The following GPHN variants were observed in gnomAD, a reference collection of about 807,000 sequenced individuals.
GPHN encodes gephyrin.
GPHN carries 17 observed loss-of-function variants against 95.5 expected under a neutral mutation model. That is an observed-to-expected ratio of 0.18 (90% CI 0.12 to 0.27). GPHN has a LOEUF of 0.27. Among genes scored for constraint, GPHN ranks in the 10% least tolerant of loss-of-function variants. GPHN has a pLI of 1.00. For missense variants in GPHN, 660 were observed against 978.1 expected (o/e 0.67, Z 4.34); for synonymous variants, 320 against 322.5 (o/e 0.99, Z 0.08).
chr14:67,719,483 CT>C, the GPHN span, among the ~76,000 whole-genome samples: 1 of 151,668 alleles, frequency 6.6e-6, no homozygotes, highest in Admixed American at 6.6e-5. Flanking sequence ...TTTTTCTTTT[CT>C]TTTTTTTAGA....
At chr14:67,377,830 A>G in the GPHN span, among the ~76,000 whole-genome samples, 4 of 152,042 alleles carry the variant, frequency 2.6e-5, no homozygotes, top group African/African-American at 7.2e-5. Flanking sequence ...ACACTTGGCT[A>G]TGTGTGGTAG....
chr14:66,784,446 G>A (rs1281660062), intron 3 of GPHN, among the ~76,000 whole-genome samples: 1 of 152,028 alleles, frequency 6.6e-6, no homozygotes, highest in African/African-American at 2.4e-5. Context: ...AATAGAAAAA[G>A]GCCTGAAATT....
intron 1 of GPHN, among the ~76,000 whole-genome samples, chr14:66,602,412 C>CAT (rs1384724603): frequency 2.6e-5 from 4 of 151,862 alleles, no homozygotes; most frequent in African/African-American, 9.7e-5. Flanking sequence ...AATTTCCCAG[C>CAT]ATAACTTTCT....
intron 1 of GPHN, among the ~76,000 whole-genome samples, chr14:66,661,000 C>G (rs780608601): frequency 1.1e-4 from 16 of 152,158 alleles, no homozygotes; most frequent in Non-Finnish European, 2.4e-4. Flanking sequence ...TGTATAGTCT[C>G]AACAGAAAAG....
intron 3 of GPHN, among the ~76,000 whole-genome samples, chr14:66,804,247 A>G (rs534302595): frequency 6.6e-6 from 1 of 152,184 alleles, no homozygotes. Context: ...TCCCTCAGTC[A>G]TGAAAGACAC....
At chr14:66,656,927 A>G (rs971023390) in intron 1 of GPHN, among the ~76,000 whole-genome samples, 2 of 152,212 alleles carry the variant, frequency 1.3e-5, no homozygotes, top group Non-Finnish European at 2.9e-5. Flanking sequence ...GAAGAGCTAC[A>G]TATCTCTCAC....
Position 66,615,134 on chromosome 14 carries a change from C to T in GPHN, c.65-65973C>T, listed in dbSNP as rs147713807. Among the ~76,000 whole-genome samples the T allele has an allele frequency of 2.5e-3, 387 of 152,218 alleles. 9 individuals are homozygous for T. Among genetic ancestry groups the T allele is most frequent in the East Asian group, 0.019 (96 of 5,186 alleles). On this transcript the variant is annotated intron_variant, in intron 1 of 22. Transcript: ENST00000478722. ...CTATCATTGGCATTTGGGTTGGTTC[C>T]GTGTCTTTGCTATTGTAAATAGTGC...
At chr14:67,427,851 T>C in the GPHN span, among the ~76,000 whole-genome samples, 6 of 151,844 alleles carry the variant, frequency 4.0e-5, no homozygotes, top group Non-Finnish European at 7.4e-5. Flanking sequence ...GGCACTGTCA[T>C]GAGACCATCC....
At chr14:67,596,707 GT>G in the GPHN span, among the ~76,000 whole-genome samples, 2 of 152,076 alleles carry the variant, frequency 1.3e-5, no homozygotes, top group East Asian at 3.9e-4. Flanking sequence ...CCCACCCTTG[GT>G]ATTTGATCAG....
chr14:67,584,993 T>G, the GPHN span: 1 of 152,254 alleles, frequency 6.6e-6, no homozygotes, highest in Admixed American at 6.5e-5. Context: ...AAGAGAGAGA[T>G]TTTCTGGATT....
the GPHN span, chr14:67,733,874 AG>A: frequency 6.5e-7 from 1 of 1,535,102 alleles, no homozygotes. Flanking sequence ...CAGCTTTATC[AG>A]GCCCAATCCA....
At chr14:66,573,900 C>T (rs889142656) in intron 1 of GPHN, among the ~76,000 whole-genome samples, 4 of 152,014 alleles carry the variant, frequency 2.6e-5, no homozygotes, top group Admixed American at 1.3e-4. Flanking sequence ...TCCTTATAGA[C>T]GAAATGAATC....
At chr14:67,441,026 G>T in the GPHN span, among the ~76,000 whole-genome samples, 1 of 152,200 alleles carries the variant, frequency 6.6e-6, no homozygotes. Flanking sequence ...GAATAGTCAA[G>T]CCATGGGATA....
chr14:66,654,970 C>G (rs1032438692), intron 1 of GPHN, among the ~76,000 whole-genome samples: 2 of 152,122 alleles, frequency 1.3e-5, no homozygotes, highest in African/African-American at 4.8e-5. Context: ...TTCTGTTTCA[C>G]TGATTTATAT....
intron 9 of GPHN, among the ~76,000 whole-genome samples, chr14:67,016,790 A>G (rs1164071811): frequency 6.6e-6 from 1 of 152,094 alleles, no homozygotes; most frequent in Non-Finnish European, 1.5e-5. Context: ...TTCATCTATT[A>G]TTTGTCACTG....
At chr14:66,662,500 A>G (rs1251689618) in intron 1 of GPHN, among the ~76,000 whole-genome samples, 1 of 152,200 alleles carries the variant, frequency 6.6e-6, no homozygotes, top group Non-Finnish European at 1.5e-5. Flanking sequence ...TTGAAGGTAG[A>G]TGTGCCCACA....
chr14:66,576,696 C>T (rs757329224), intron 1 of GPHN, among the ~76,000 whole-genome samples: 12 of 152,044 alleles, frequency 7.9e-5, no homozygotes, highest in Non-Finnish European at 1.6e-4. Context: ...AAGAAAATAC[C>T]TTCACGTCAA....
chr14:66,614,898 G>A (rs2062939030), intron 1 of GPHN, among the ~76,000 whole-genome samples: 1 of 152,072 alleles, frequency 6.6e-6, no homozygotes, highest in African/African-American at 2.4e-5. Flanking sequence ...CCTGGTGTTT[G>A]TTATTCTCCT....
intron 1 of GPHN, among the ~76,000 whole-genome samples, chr14:66,587,949 C>T (rs1157994137): frequency 1.3e-5 from 2 of 152,202 alleles, no homozygotes; most frequent in East Asian, 1.9e-4. Flanking sequence ...CTGGGAGACA[C>T]CTCCCAGCAA....
Sources: allele counts gnomAD v4.1 joint callset (sites outside exome capture counted in the v4.1 genomes callset), GRCh38; gene constraint gnomAD v4.1.1; transcripts MANE v1.5; gene names NCBI Gene and HGNC (gene_info 2026-07-23, HGNC 2026-07-21).